Variants in NDUFAF5 observed in about 807,000 individuals in gnomAD.
NDUFAF5 encodes arginine-hydroxylase NDUFAF5, mitochondrial.
NDUFAF5 carries 34 observed loss-of-function variants against 48.9 expected under a neutral mutation model. That is an observed-to-expected ratio of 0.70 (90% CI 0.53 to 0.93). The LOEUF (loss-of-function observed/expected upper bound fraction) is 0.93. NDUFAF5 is among the 40% of genes least tolerant of loss of function. The pLI is 0.00. For missense variants in NDUFAF5, 428 were observed against 427.5 expected, an observed-to-expected ratio of 1.00 and a Z score of -0.01; for synonymous variants, 153 against 150.6, an observed-to-expected ratio of 1.02 and a Z score of -0.12.
intron 7 of NDUFAF5, among the ~76,000 whole-genome samples, chr20:13,803,639 T>C (rs76039135): frequency 0.016 from 2,482 of 152,346 alleles, 71 homozygotes; most frequent in African/African-American, 0.055. Flanking sequence ...AAGGGCTTTT[T>C]GTATAGTGAA....
intron 1 of NDUFAF5, among the ~76,000 whole-genome samples, chr20:13,785,833 C>T (rs533320500): frequency 6.6e-6 from 1 of 152,196 alleles, no homozygotes; most frequent in South Asian, 2.1e-4. Flanking sequence ...TATATTGGGT[C>T]ACATGAAATA....
chr20:13,790,743 C>T (rs950181445), intron 3 of NDUFAF5, among the ~76,000 whole-genome samples: 2 of 152,196 alleles, frequency 1.3e-5, no homozygotes, highest in Admixed American at 6.5e-5. Context: ...TTCAGCAACC[C>T]TGGCCTCCTT....
At chr20:13,811,338 G>A (rs79673852) in intron 8 of NDUFAF5, among the ~76,000 whole-genome samples, 1,818 of 152,288 alleles carry the variant, frequency 0.012, 42 homozygotes, top group African/African-American at 0.041. Flanking sequence ...GCAGTTACAA[G>A]TGATAATGGT....
chr20:13,809,048 G>A, intron 8 of NDUFAF5, 146 bp downstream of exon 8: 1 of 659,856 alleles, frequency 1.5e-6, no homozygotes, highest in Non-Finnish European at 2.7e-6. Context: ...TTGTTGAGGA[G>A]AAAGCAGACT....
chr20:13,787,379 A>G, intron 2 of NDUFAF5, 27 bp downstream of exon 2: 2 of 1,608,342 alleles, frequency 1.2e-6, no homozygotes, highest in Non-Finnish European at 1.7e-6. Context: ...ATAATACAAT[A>G]CCATCAACTT....
intron 8 of NDUFAF5, among the ~76,000 whole-genome samples, chr20:13,814,810 C>T (rs1367147625): frequency 2.0e-5 from 3 of 152,124 alleles, no homozygotes; most frequent in South Asian, 2.1e-4. Context: ...AATGACTTTG[C>T]CCCAGGTTAT....
chr20:13,810,214 G>A (rs888760677), intron 8 of NDUFAF5, among the ~76,000 whole-genome samples: 1 of 152,164 alleles, frequency 6.6e-6, no homozygotes, highest in African/African-American at 2.4e-5. Flanking sequence ...TTAGCAGGTG[G>A]GTAGTCGACG....
chr20:13,793,193 A>T lies in NDUFAF5; in HGVS notation c.341A>T (p.Lys114Met), dbSNP rs867225452. Reference protein sequence around the residue: ...AQYLNKETIGKFFQADIAENA... With the variant: ...AQYLNKETIGMFFQADIAENA... ...ATTCCATTGCAGGAAACTATTGGAAAGTTTTTCCAAGCTGACATTGCAGAA... is the reference window on the plus strand; with the variant it reads ...ATTCCATTGCAGGAAACTATTGGAATGTTTTTCCAAGCTGACATTGCAGAA... Residue 114 changes from lysine to methionine, a missense_variant, in exon 4 of 11, where the codon AAG becomes ATG. Lys to Met is a moderately conservative substitution (Grantham distance 95). Transcript: ENST00000378106. 1.9e-6 allele frequency: 3 copies of T among 1,613,958 alleles called. No individual in the cohort carries two copies. The highest frequency in any genetic ancestry group is 3.3e-4 in the Middle Eastern group (2 of 6,058).
intron 7 of NDUFAF5, among the ~76,000 whole-genome samples, chr20:13,805,481 ACT>A (rs1984862737): frequency 6.6e-6 from 1 of 152,184 alleles, no homozygotes; most frequent in Non-Finnish European, 1.5e-5. Context: ...GAGCCTAATG[ACT>A]CATACTTTAA....
At chr20:13,808,979 A>C in intron 8 of NDUFAF5, 77 bp downstream of exon 8, 2 of 967,342 alleles carry the variant, frequency 2.1e-6, no homozygotes, top group South Asian at 2.6e-5. Context: ...ACTCCATTTG[A>C]GAGAAACATT....
rs777652974 is a variant in NDUFAF5 at position 13,798,476 on chromosome 20, T to C, written c.495T>C (p.Asn165=). The C allele has an allele frequency of 6.2e-6, 10 of 1,611,678 alleles. No individual in the cohort carries two copies. Among genetic ancestry groups the C allele is most frequent in the Admixed American group, 1.7e-5 (1 of 59,996 alleles). The change falls in exon 6 of 11, where the codon AAT becomes AAC. Residue 165 remains asparagine, a synonymous_variant. Transcript: ENST00000378106. ...CATATTTTAGTTTGCATTGGGTGAA[T>C]GACCTTCCTAGAGCACTTGAGCAGG... is the stretch of plus-strand genomic sequence containing the variant. ...VVSSLSLHWV[N]DLPRALEQIH...
At position 13,814,675 on chromosome 20, in the gene NDUFAF5, C is replaced by T. The variant is rs186930439; in HGVS notation, c.779-1788C>T. On this transcript the variant is annotated intron_variant, in intron 8 of 10. Coordinates refer to ENST00000378106, the MANE Select transcript of NDUFAF5 (RefSeq NM_024120.5). ...CCAGATTTTTCTGTTATCTCAAAGC[C>T]CAGGGCGAGTCGGAAGTCCCAAAGT... Among the ~76,000 whole-genome samples the T allele has an allele frequency of 2.6e-3, 395 of 152,194 alleles. 2 individuals are homozygous for T. The highest frequency in any genetic ancestry group is 4.1e-3 in the Non-Finnish European group (278 of 68,014).
At chr20:13,787,256 A>T in intron 1 of NDUFAF5, 56 bp from the exon 2 acceptor site, 1 of 1,566,430 alleles carries the variant, frequency 6.4e-7, no homozygotes, top group South Asian at 1.1e-5. Flanking sequence ...GGATTGTTGA[A>T]TACTGGAAAA....
intron 1 of NDUFAF5, among the ~76,000 whole-genome samples, chr20:13,786,568 A>T (rs951555215): frequency 4.6e-5 from 7 of 152,200 alleles, no homozygotes; most frequent in African/African-American, 1.7e-4. Flanking sequence ...TGGGAAAAAC[A>T]TCTACGCTCC....
At chr20:13,788,323 CTCATTAAA>C (rs1236127496) in intron 2 of NDUFAF5, among the ~76,000 whole-genome samples, 9 of 152,212 alleles carry the variant, frequency 5.9e-5, no homozygotes, top group African/African-American at 1.9e-4. Context: ...TTAAAATATC[CTCATTAAA>C]TCTGTTCTTC....
Position 13,818,510 on chromosome 20 carries a change from G to T in NDUFAF5, c.*1300G>T, listed in dbSNP as rs192158290. 251 of 336,806 alleles carry T rather than the reference G, an allele frequency of 7.5e-4. No homozygotes were observed. The Middle Eastern group carries it at 7.6e-3, about 10-fold the overall frequency. 20.9% of individuals were successfully genotyped at this position (336,806 alleles called of 1,614,324 possible). ...AGAACAACAACAAAAAACAAACTGC[G>T]CTAGCCAGGTGCAATGGCGCATGCC... is the stretch of plus-strand genomic sequence containing the variant. On this transcript the variant is annotated 3_prime_UTR_variant, in exon 11 of 11. Transcript: ENST00000378106.
chr20:13,793,520 C>T (rs901199843), intron 4 of NDUFAF5, among the ~76,000 whole-genome samples: 6 of 152,040 alleles, frequency 3.9e-5, no homozygotes, highest in Admixed American at 1.3e-4. Flanking sequence ...ATGTTATTTA[C>T]GGCACATCAT....
At chr20:13,787,978 G>A (rs895224355) in intron 2 of NDUFAF5, among the ~76,000 whole-genome samples, 5 of 152,070 alleles carry the variant, frequency 3.3e-5, no homozygotes, top group Non-Finnish European at 5.9e-5. Flanking sequence ...AGCATGGCAT[G>A]GAGGATAATA....
At chr20:13,810,209 A>C (rs1952759010) in intron 8 of NDUFAF5, among the ~76,000 whole-genome samples, 1 of 152,214 alleles carries the variant, frequency 6.6e-6, no homozygotes, top group African/African-American at 2.4e-5. Context: ...AGGCTTTAGC[A>C]GGTGGGTAGT....
Sources: allele counts gnomAD v4.1 joint callset (sites outside exome capture counted in the v4.1 genomes callset), GRCh38; gene constraint gnomAD v4.1.1; transcripts MANE v1.5; gene names NCBI Gene and HGNC (gene_info 2026-07-23, HGNC 2026-07-21).